Variants in ARHGEF3 observed in about 807,000 individuals in gnomAD.
ARHGEF3 encodes the protein Rho guanine nucleotide exchange factor 3, also known as 59.8 kDA protein.
In ARHGEF3, 28 loss-of-function variants were observed where a neutral mutation model predicts 63.2. That is an observed-to-expected ratio of 0.44 (90% CI 0.33 to 0.61). The LOEUF is 0.61. Ranked by LOEUF, ARHGEF3 falls within the 20% of genes least tolerant of loss-of-function variation. ARHGEF3 has a pLI of 0.03. For missense variants in ARHGEF3, 533 were observed against 659.3 expected (o/e 0.81, Z 2.10); for synonymous variants, 266 against 254.2 (o/e 1.05, Z -0.44).
chr3:57,046,472 TGAGA>T (rs1225981461), intron 1 of ARHGEF3, among the ~76,000 whole-genome samples: 1 of 152,222 alleles, frequency 6.6e-6, no homozygotes, highest in African/African-American at 2.4e-5. Context: ...AAATGTCAGC[TGAGA>T]AAGACCCTGC....
chr3:56,793,421 G>A (rs975903622), intron 1 of ARHGEF3, among the ~76,000 whole-genome samples: 3 of 151,998 alleles, frequency 2.0e-5, no homozygotes, highest in African/African-American at 4.8e-5. Context: ...CGCTCGCCTC[G>A]GCTGCCCAAA....
intron 7 of ARHGEF3, among the ~76,000 whole-genome samples, chr3:56,743,417 A>G (rs1445941424): frequency 6.6e-6 from 1 of 152,066 alleles, no homozygotes; most frequent in Non-Finnish European, 1.5e-5. Context: ...TGAAGGGCAC[A>G]GGATTTGGAG....
At chr3:57,040,501 A>AGAAAAGAAAAGAAAAGG (rs1704140059) in intron 1 of ARHGEF3, among the ~76,000 whole-genome samples, 2 of 134,806 alleles carry the variant, frequency 1.5e-5, no homozygotes, top group African/African-American at 5.4e-5. Context: ...AAAGAAAAGA[A>AGAAAAGAAAAGAAAAGG]AATACCAAAA....
Position 56,737,224 on chromosome 3 carries a change from G to A in ARHGEF3, c.1002C>T (p.Val334=), listed in dbSNP as rs767881508. 27 of 1,613,932 alleles carry A rather than the reference G, an allele frequency of 1.7e-5. No homozygotes were observed. The highest frequency in any genetic ancestry group is 3.3e-4 in the Middle Eastern group (2 of 6,070). ...QKDSLIDSSR[V]LCCHGELKNN... ...TCTTCAGTTCACCATGACAACACAA[G>A]ACTCGAGAGCTGTCGATCAGGGAGT... Residue 334 remains valine (V), a synonymous_variant, in exon 8 of 10, where the codon GTC becomes GTT. Coordinates refer to ENST00000296315, the MANE Select transcript of ARHGEF3 (RefSeq NM_019555.3).
intron 1 of ARHGEF3, among the ~76,000 whole-genome samples, chr3:57,042,700 A>ATATATTTTTTTTTTTTT (rs1704272727): frequency 1.5e-5 from 1 of 66,122 alleles, no homozygotes; most frequent in African/African-American, 5.0e-5. Flanking sequence ...ATATATATAT[A>ATATATTTTTTTTTTTTT]TTTTTTTTTT....
intron 8 of ARHGEF3, 100 bp from the exon 9 acceptor site, chr3:56,732,524 A>G: frequency 1.4e-5 from 19 of 1,363,118 alleles, no homozygotes; most frequent in Non-Finnish European, 2.0e-5. Flanking sequence ...TACCAGGTTC[A>G]CACTGGATTA....
chr3:56,948,080 C>T (rs199754217), intron 3 of ARHGEF3, among the ~76,000 whole-genome samples: 5 of 151,974 alleles, frequency 3.3e-5, no homozygotes, highest in African/African-American at 7.3e-5. Context: ...TTGAAACCAA[C>T]GAGAACAAAG....
intron 4 of ARHGEF3, among the ~76,000 whole-genome samples, chr3:56,835,737 G>A (rs763667302): frequency 7.9e-5 from 12 of 151,936 alleles, no homozygotes; most frequent in Admixed American, 5.9e-4. Flanking sequence ...CTTTTCATAC[G>A]ACACAGAACA....
At position 56,732,311 on chromosome 3, in the gene ARHGEF3, C is replaced by T. The variant is rs2033225407; in HGVS notation, c.1155G>A (p.Leu385=). Residue 385 remains leucine (L), a synonymous_variant, in exon 9 of 10, where the codon CTG becomes CTA. Coordinates refer to ENST00000296315, the MANE Select transcript of ARHGEF3 (RefSeq NM_019555.3). ...CTTCTCCATCCTGGAGGTCTTCCAG[C>T]AGGAGGTCTTTCACGGGGATTGGCT... ...YRQPIPVKDL[L]LEDLQDGEVR... 1.2e-6 allele frequency: 2 copies of T among 1,614,070 alleles called. No homozygotes were observed. The highest frequency in any genetic ancestry group is 1.1e-5 in the South Asian group (1 of 91,086).
In ARHGEF3 at chr3:56,928,996, C is replaced by T. The variant is rs540412716; in HGVS notation, c.129+29827G>A. On this transcript the variant is annotated intron_variant, in intron 3 of 12. Coordinates refer to the ARHGEF3 transcript ENST00000338458. ...GTCAGGATATAGCGACCTTGCTGCA[C>T]AGGACAATAAAGGACACCCACAAGG... Among the ~76,000 whole-genome samples the T allele has an allele frequency of 2.1e-4, 32 of 152,252 alleles. No individual in the cohort carries two copies. The South Asian group carries it at 6.4e-3, about 31-fold the overall frequency.
intron 2 of ARHGEF3, among the ~76,000 whole-genome samples, chr3:56,762,221 A>G (rs1403899717): frequency 1.3e-5 from 2 of 152,108 alleles, no homozygotes; most frequent in Non-Finnish European, 2.9e-5. Flanking sequence ...GGACCACATA[A>G]AAACAGAAGC....
intron 1 of ARHGEF3, chr3:57,078,602 C>G (rs1294415334): frequency 6.6e-6 from 1 of 152,312 alleles, no homozygotes; most frequent in Non-Finnish European, 1.5e-5. Context: ...GTCCTCCACC[C>G]TGGTGTCCTA....
At chr3:56,949,614 C>G (rs560554686) in intron 3 of ARHGEF3, among the ~76,000 whole-genome samples, 5 of 151,970 alleles carry the variant, frequency 3.3e-5, no homozygotes, top group Non-Finnish European at 1.5e-5. Context: ...CAAACCACTG[C>G]TCAATGAAAT....
chr3:56,801,047 C>T (rs747726927), intron 1 of ARHGEF3, among the ~76,000 whole-genome samples: 9 of 152,230 alleles, frequency 5.9e-5, no homozygotes. Context: ...AGAAATGTTT[C>T]CAATGTTCCA....
chr3:56,875,179 A>G (rs1190295603), intron 4 of ARHGEF3, among the ~76,000 whole-genome samples: 8 of 152,178 alleles, frequency 5.3e-5, no homozygotes, highest in African/African-American at 1.9e-4. Flanking sequence ...TAAAATGTAT[A>G]GTAGCACAGT....
At chr3:56,779,028 C>A (rs2036417095) in intron 1 of ARHGEF3, among the ~76,000 whole-genome samples, 1 of 152,086 alleles carries the variant, frequency 6.6e-6, no homozygotes, top group Non-Finnish European at 1.5e-5. Flanking sequence ...CCAAGGACAA[C>A]ACTCCCAGGC....
intron 2 of ARHGEF3, among the ~76,000 whole-genome samples, chr3:56,765,453 T>A (rs1307857921): frequency 6.6e-6 from 1 of 152,146 alleles, no homozygotes; most frequent in Non-Finnish European, 1.5e-5. Context: ...CAAGCTCATC[T>A]CCATGTCAGC....
chr3:57,001,163 C>A (rs1183706951), intron 2 of ARHGEF3, among the ~76,000 whole-genome samples: 1 of 152,082 alleles, frequency 6.6e-6, no homozygotes, highest in Non-Finnish European at 1.5e-5. Flanking sequence ...TGGTCTTGAA[C>A]CCCTGGCCTC....
intron 3 of ARHGEF3, among the ~76,000 whole-genome samples, chr3:56,907,383 G>A (rs2041720507): frequency 6.6e-6 from 1 of 152,152 alleles, no homozygotes; most frequent in Non-Finnish European, 1.5e-5. Context: ...GCAGTTATTT[G>A]CTTATACACT....
Sources: gnomAD v4.1 joint callset for allele counts (sites outside exome capture counted in the v4.1 genomes callset) on GRCh38, gnomAD v4.1.1 for gene constraint, MANE v1.5 for transcripts, NCBI Gene and HGNC (gene_info 2026-07-23, HGNC 2026-07-21) for gene names.